Variants in SLC35F3 observed in about 807,000 individuals in gnomAD.
The protein encoded by SLC35F3 is solute carrier family 35 member F3.
Under a neutral mutation model 49.9 loss-of-function variants are expected in SLC35F3, and 25 were observed. The observed-to-expected ratio is 0.50, with a 90% CI of 0.37 to 0.70. The LOEUF (loss-of-function observed/expected upper bound fraction) is 0.70. Among genes scored for constraint, SLC35F3 ranks in the 30% least tolerant of loss-of-function variants. The pLI is 0.00. For synonymous variants in SLC35F3, 275 were observed against 265.4 expected (o/e 1.04, Z -0.35); for missense variants, 525 against 639.8 (o/e 0.82, Z 1.94).
intron 2 of SLC35F3, among the ~76,000 whole-genome samples, chr1:234,039,565 T>A (rs1320484719): frequency 6.6e-6 from 1 of 152,122 alleles, no homozygotes; most frequent in African/African-American, 2.4e-5. Context: ...GAAACAAGCA[T>A]GGAGAGGCAG....
chr1:234,117,699 A>T (rs1269372471), intron 2 of SLC35F3, among the ~76,000 whole-genome samples: 1 of 151,512 alleles, frequency 6.6e-6, no homozygotes, highest in Non-Finnish European at 1.5e-5. Flanking sequence ...ATCCTGGCTA[A>T]CATGGTGAAA....
intron 3 of SLC35F3, among the ~76,000 whole-genome samples, chr1:234,236,451 A>G (rs1443755970): frequency 6.6e-6 from 1 of 152,098 alleles, no homozygotes; most frequent in Admixed American, 6.5e-5. Flanking sequence ...AAACAAAAAA[A>G]AAGAAGTTAG....
chr1:234,292,921 G>T (rs771045269), intron 3 of SLC35F3, among the ~76,000 whole-genome samples: 6 of 152,112 alleles, frequency 3.9e-5, no homozygotes, highest in Non-Finnish European at 5.9e-5. Context: ...ACTGATTTTT[G>T]ACTGTGAAAG....
chr1:234,271,336 A>G (rs1416537856), intron 3 of SLC35F3, among the ~76,000 whole-genome samples: 2 of 151,800 alleles, frequency 1.3e-5, no homozygotes, highest in Admixed American at 6.6e-5. Flanking sequence ...CAGGGCACCT[A>G]TAGTATGATG....
At chr1:234,131,671 C>T (rs921960379) in intron 2 of SLC35F3, among the ~76,000 whole-genome samples, 1 of 152,172 alleles carries the variant, frequency 6.6e-6, no homozygotes. Flanking sequence ...GGGAGCACGT[C>T]GTAAACAAAC....
At chr1:234,118,049 A>G (rs1181105474) in intron 2 of SLC35F3, among the ~76,000 whole-genome samples, 5 of 151,826 alleles carry the variant, frequency 3.3e-5, no homozygotes, top group African/African-American at 1.2e-4. Flanking sequence ...TCATTATGCC[A>G]GGATGTGATA....
At chr1:233,981,452 G>C (rs778346781) in intron 2 of SLC35F3, among the ~76,000 whole-genome samples, 10 of 152,166 alleles carry the variant, frequency 6.6e-5, no homozygotes, top group Non-Finnish European at 1.5e-4. Context: ...TCTCTCAGCA[G>C]AAGGTCCTGG....
At chr1:233,906,489 G>T (rs1661779145) in intron 2 of SLC35F3, among the ~76,000 whole-genome samples, 1 of 152,184 alleles carries the variant, frequency 6.6e-6, no homozygotes, top group Admixed American at 6.5e-5. Context: ...CACTTTGCAA[G>T]AGAGAGGTTG....
At chr1:234,081,207 C>T (rs1413519523) in intron 2 of SLC35F3, among the ~76,000 whole-genome samples, 1 of 152,218 alleles carries the variant, frequency 6.6e-6, no homozygotes, top group Non-Finnish European at 1.5e-5. Context: ...CTTCAAGTGG[C>T]ATACAGGCCA....
chr1:234,061,547 C>A (rs1252157523), intron 2 of SLC35F3, among the ~76,000 whole-genome samples: 1 of 151,340 alleles, frequency 6.6e-6, no homozygotes, highest in Non-Finnish European at 1.5e-5. Context: ...ATATTTTTTT[C>A]TGCTCTTTTC....
chr1:233,945,668 T>A (rs1662501990), intron 2 of SLC35F3, among the ~76,000 whole-genome samples: 2 of 152,202 alleles, frequency 1.3e-5, no homozygotes. Context: ...TGGAGATAAT[T>A]GAATCATGGG....
intron 2 of SLC35F3, among the ~76,000 whole-genome samples, chr1:233,938,461 G>A (rs569092276): frequency 1.2e-4 from 18 of 152,282 alleles, no homozygotes; most frequent in Admixed American, 3.9e-4. Flanking sequence ...GCCTTCTGAC[G>A]TTGTACACAG....
At chr1:234,280,231 C>T (rs1480329698) in intron 3 of SLC35F3, among the ~76,000 whole-genome samples, 2 of 152,228 alleles carry the variant, frequency 1.3e-5, no homozygotes, top group Admixed American at 6.5e-5. Context: ...ATGGCTTCCC[C>T]CAAAACGAGG....
intron 2 of SLC35F3, among the ~76,000 whole-genome samples, chr1:234,131,210 C>T (rs1175892738): frequency 6.6e-6 from 1 of 152,060 alleles, no homozygotes; most frequent in Non-Finnish European, 1.5e-5. Flanking sequence ...TAAAATTTGT[C>T]GTTTTCCTGT....
rs149783801 is a variant in SLC35F3 at position 233,988,211 on chromosome 1, A to C, written c.283+82453A>C. Among the ~76,000 whole-genome samples, 361 of 152,316 alleles carry C rather than the reference A, an allele frequency of 2.4e-3. 1 individual carries two copies. Among genetic ancestry groups the C allele is most frequent in the African/African-American group, 8.3e-3 (343 of 41,566 alleles). On this transcript the variant is annotated intron_variant, in intron 2 of 7. Transcript: ENST00000366618. ...TCAGATGGTTTCATTAAAAGACTCC[A>C]AAATATTAGTAACTGGAAATCTTTT...
At chr1:234,004,602 C>T (rs1335432554) in intron 2 of SLC35F3, among the ~76,000 whole-genome samples, 4 of 151,830 alleles carry the variant, frequency 2.6e-5, no homozygotes, top group African/African-American at 9.7e-5. Flanking sequence ...AAATTAAAAA[C>T]TAATTTTGAA....
intron 2 of SLC35F3, among the ~76,000 whole-genome samples, chr1:234,164,300 C>CTT (rs2102915049): frequency 6.6e-6 from 1 of 151,032 alleles, no homozygotes; most frequent in South Asian, 2.1e-4. Flanking sequence ...CCCTCTTTCT[C>CTT]TTTCCCTCTC....
At chr1:234,039,031 AGAGATGGATG>A (rs1664183247) in intron 2 of SLC35F3, among the ~76,000 whole-genome samples, 1 of 152,244 alleles carries the variant, frequency 6.6e-6, no homozygotes, top group African/African-American at 2.4e-5. Flanking sequence ...ACATTTAAGA[AGAGATGGATG>A]GATATTATGA....
intron 3 of SLC35F3, among the ~76,000 whole-genome samples, chr1:234,287,101 C>G (rs6667859): frequency 6.6e-6 from 1 of 151,908 alleles, no homozygotes; most frequent in African/African-American, 2.4e-5. Context: ...TGGGAGGCTG[C>G]GGTAGGAAGA....
Sources: allele counts gnomAD v4.1 joint callset (sites outside exome capture counted in the v4.1 genomes callset), GRCh38; gene constraint gnomAD v4.1.1; transcripts MANE v1.5; gene names NCBI Gene and HGNC (gene_info 2026-07-23, HGNC 2026-07-21).